Variants in EPHA6 observed in about 807,000 individuals in gnomAD.
EPHA6 encodes the protein ephrin type-A receptor 6.
EPHA6 carries 50 observed loss-of-function variants against 112.0 expected under a neutral mutation model. The observed-to-expected ratio is 0.45, with a 90% CI of 0.36 to 0.56. EPHA6 has a LOEUF of 0.56. Ranked by LOEUF, EPHA6 falls within the 20% of genes least tolerant of loss-of-function variation. The pLI is 0.00. For synonymous variants in EPHA6, 529 were observed against 490.7 expected (o/e 1.08, Z -1.03); for missense variants, 1,280 against 1,417.4 (o/e 0.90, Z 1.56).
intron 15 of EPHA6, among the ~76,000 whole-genome samples, chr3:97,729,512 T>C (rs1386102): frequency 0.98 from 149,303 of 152,046 alleles, 73,323 homozygotes; most frequent in East Asian, 0.99. Flanking sequence ...TTCACGATCA[T>C]GAGAACAGCA....
chr3:97,280,654 G>A (rs1349368500), intron 5 of EPHA6, among the ~76,000 whole-genome samples: 1 of 152,014 alleles, frequency 6.6e-6, no homozygotes, highest in East Asian at 1.9e-4. Context: ...CATTTGTATA[G>A]GGTTGCTGTC....
chr3:97,177,124 T>C (rs1403754332), intron 3 of EPHA6, among the ~76,000 whole-genome samples: 1 of 151,984 alleles, frequency 6.6e-6, no homozygotes, highest in Non-Finnish European at 1.5e-5. Flanking sequence ...TATTAATTTC[T>C]TCATTGACCC....
At chr3:97,606,545 A>G (rs773026764) in intron 12 of EPHA6, among the ~76,000 whole-genome samples, 8 of 151,480 alleles carry the variant, frequency 5.3e-5, no homozygotes, top group Non-Finnish European at 1.2e-4. Flanking sequence ...GGATTATAAC[A>G]GGAAAAGAAA....
intron 2 of EPHA6, among the ~76,000 whole-genome samples, chr3:96,913,478 T>A (rs1049947355): frequency 2.6e-5 from 4 of 152,170 alleles, no homozygotes; most frequent in Non-Finnish European, 4.4e-5. Context: ...TTGTGTTATT[T>A]ACTTGAATTT....
chr3:96,932,920 A>AT (rs1400421041), intron 2 of EPHA6, among the ~76,000 whole-genome samples: 5 of 152,056 alleles, frequency 3.3e-5, no homozygotes, highest in Admixed American at 6.6e-5. Context: ...GATCTGAAAA[A>AT]TTTTTTTTAA....
In EPHA6 at chr3:97,761,266, T is replaced by C. The variant is rs1487622226; in HGVS notation, c.*12565T>C. On this transcript the variant is annotated 3_prime_UTR_variant, in exon 18 of 18. Coordinates refer to ENST00000389672, the MANE Select transcript of EPHA6 (RefSeq NM_001080448.3). ...TGCTGGCATGCTTACAAGTTAATAG[T>C]GTTATAGAATGCTCAGCTCTCAATA... 5.1e-6 allele frequency: 1 copy of C among 195,604 alleles called. No homozygotes were observed. Among genetic ancestry groups the C allele is most frequent in the Non-Finnish European group, 1.1e-5 (1 of 94,076 alleles). 12.1% of individuals were successfully genotyped at this position (195,604 alleles called of 1,614,324 possible).
intron 2 of EPHA6, among the ~76,000 whole-genome samples, chr3:96,884,167 T>A (rs2037488071): frequency 6.6e-6 from 1 of 152,184 alleles, no homozygotes; most frequent in Admixed American, 6.5e-5. Context: ...CCTCTAGATT[T>A]GTTCTTTTTG....
intron 3 of EPHA6, among the ~76,000 whole-genome samples, chr3:97,156,080 A>G (rs1050770324): frequency 6.6e-6 from 1 of 152,180 alleles, no homozygotes; most frequent in Non-Finnish European, 1.5e-5. Flanking sequence ...ACAGGTTCCA[A>G]CCTCATACCA....
At chr3:97,609,416 G>T (rs2093701809) in intron 12 of EPHA6, among the ~76,000 whole-genome samples, 1 of 151,240 alleles carries the variant, frequency 6.6e-6, no homozygotes, top group Non-Finnish European at 1.5e-5. Flanking sequence ...CTAGATCCCT[G>T]CCCACAAGAG....
intron 3 of EPHA6, among the ~76,000 whole-genome samples, chr3:97,040,976 C>A (rs964898172): frequency 1.3e-5 from 2 of 151,988 alleles, no homozygotes; most frequent in Non-Finnish European, 2.9e-5. Context: ...CAATCTTTTT[C>A]ATTTATTTTC....
At chr3:96,944,677 TATTACCTATCTTTCTAGG>T (rs1274325476) in intron 2 of EPHA6, among the ~76,000 whole-genome samples, 2 of 152,200 alleles carry the variant, frequency 1.3e-5, no homozygotes, top group Non-Finnish European at 2.9e-5. Flanking sequence ...AATAACTCGA[TATTACCTATCTTTCTAGG>T]TTTTTGGTAA....
At chr3:97,053,216 C>T (rs1463569409) in intron 3 of EPHA6, among the ~76,000 whole-genome samples, 3 of 152,054 alleles carry the variant, frequency 2.0e-5, no homozygotes, top group Non-Finnish European at 4.4e-5. Context: ...TCGGAATAAA[C>T]GACTAGGAGT....
At chr3:97,104,649 G>C (rs926577253) in intron 3 of EPHA6, among the ~76,000 whole-genome samples, 6 of 152,064 alleles carry the variant, frequency 3.9e-5, no homozygotes, top group African/African-American at 1.4e-4. Context: ...TTGGGATGAT[G>C]CTGGCCTCAT....
intron 3 of EPHA6, among the ~76,000 whole-genome samples, chr3:97,201,990 A>T (rs151302603): frequency 1.3e-5 from 2 of 152,104 alleles, no homozygotes; most frequent in African/African-American, 2.4e-5. Context: ...GCACATACAT[A>T]ACCAAACATG....
chr3:97,524,572 C>T (rs189105806), intron 10 of EPHA6, among the ~76,000 whole-genome samples: 1 of 151,890 alleles, frequency 6.6e-6, no homozygotes, highest in Non-Finnish European at 1.5e-5. Flanking sequence ...TAGTAGTAAG[C>T]TTTATACTTC....
chr3:97,418,957 C>T (rs1463993468), intron 6 of EPHA6, among the ~76,000 whole-genome samples: 1 of 151,998 alleles, frequency 6.6e-6, no homozygotes, highest in Non-Finnish European at 1.5e-5. Flanking sequence ...ATAATAAATG[C>T]CCTTATTGGA....
At position 97,760,792 on chromosome 3, in the gene EPHA6, C is replaced by T. The variant is rs552679489; in HGVS notation, c.*12091C>T. 1.2e-4 allele frequency: 23 copies of T among 184,294 alleles called. No homozygotes were observed. The highest frequency in any genetic ancestry group is 1.1e-3 in the East Asian group (12 of 11,286). The allele number at this position is 184,294 out of a possible 1,614,324, so 11.4% of individuals were successfully genotyped here. On this transcript the variant is annotated 3_prime_UTR_variant, in exon 18 of 18. Coordinates refer to ENST00000389672, the MANE Select transcript of EPHA6 (RefSeq NM_001080448.3). ...AGAGCTATATTTGACTAATAAAAAACGACAGCTAAAAATAATTTCCCTCCC... is the reference window on the plus strand; with the variant it reads ...AGAGCTATATTTGACTAATAAAAAATGACAGCTAAAAATAATTTCCCTCCC...
intron 5 of EPHA6, among the ~76,000 whole-genome samples, chr3:97,251,311 A>C (rs1360931356): frequency 1.3e-5 from 2 of 152,068 alleles, no homozygotes; most frequent in Non-Finnish European, 2.9e-5. Flanking sequence ...CAGGCGGATC[A>C]CGAGGTCAGG....
At chr3:96,954,284 A>G (rs1471010124) in intron 2 of EPHA6, among the ~76,000 whole-genome samples, 1 of 152,130 alleles carries the variant, frequency 6.6e-6, no homozygotes, top group African/African-American at 2.4e-5. Context: ...CAAAAACTCT[A>G]CAGTGGTTCA....
Sources: allele counts gnomAD v4.1 joint callset (sites outside exome capture counted in the v4.1 genomes callset), GRCh38; gene constraint gnomAD v4.1.1; transcripts MANE v1.5; gene names NCBI Gene and HGNC (gene_info 2026-07-23, HGNC 2026-07-21).